Variants in SON observed in about 807,000 individuals in gnomAD.
The protein encoded by SON is SON DNA and RNA binding protein.
SON carries 4 observed loss-of-function variants against 173.3 expected under a neutral mutation model. The observed-to-expected ratio is 0.02, with a 90% CI of 0.01 to 0.05. The LOEUF is 0.05. SON is among the 10% of genes least tolerant of loss of function. The pLI, the probability that SON is intolerant of heterozygous loss-of-function variation, is 1.00. For missense variants in SON, 2,626 were observed against 3,055.3 expected (o/e 0.86, Z 3.31); for synonymous variants, 1,190 against 1,105.9 (o/e 1.08, Z -1.51).
In SON at chr21:33,553,791, A is replaced by G; in HGVS notation, c.4560A>G (p.Lys1520=). The change falls in exon 3 of 12, where the codon AAA becomes AAG. Residue 1520 remains lysine (K), a synonymous_variant. Coordinates refer to ENST00000356577, the MANE Select transcript of SON (RefSeq NM_138927.4). ...GEEPHAEEHL[K]GDFYESEHGI... ...AACCACATGCTGAGGAACACCTGAA[A>G]GGTGACTTTTACGAAAGTGAACATG... 4 of 1,614,096 alleles carry G rather than the reference A, an allele frequency of 2.5e-6. No homozygotes were observed. Among genetic ancestry groups the G allele is most frequent in the Non-Finnish European group, 3.4e-6 (4 of 1,179,982 alleles).
intron 6 of SON, among the ~76,000 whole-genome samples, chr21:33,561,509 T>C (rs143540427): frequency 1.1e-4 from 17 of 152,294 alleles, no homozygotes; most frequent in Non-Finnish European, 2.2e-4. Flanking sequence ...TTAACAAATA[T>C]TGCAGAATTC....
In SON at chr21:33,551,269, G is replaced by A. The variant is rs972793432; in HGVS notation, c.2038G>A (p.Ala680Thr). ...GTCCCTGGAGGTGCCCTCGACGACA[G>A]CGCTGGAATCCTATAATACGGTAGC... Reference protein sequence around the residue: ...SQSLEVPSTTALESYNTVAQE... With the variant: ...SQSLEVPSTTTLESYNTVAQE... The change falls in exon 3 of 12, where the codon GCG becomes ACG. Residue 680 changes from alanine (A) to threonine (T), a missense_variant. Physicochemically the swap from Ala to Thr is moderately conservative, Grantham distance 58. This residue lies in a region of SON where 182 missense variants were observed against 193.6 expected (regional missense o/e 0.94). Transcript: ENST00000356577. 6.2e-7 allele frequency: 1 copy of A among 1,614,162 alleles called. No homozygotes were observed. Among genetic ancestry groups the A allele is most frequent in the Non-Finnish European group, 8.5e-7 (1 of 1,180,006 alleles).
At position 33,554,330 on chromosome 21, in the gene SON, A is replaced by T. The variant is rs1428645559; in HGVS notation, c.5099A>T (p.Glu1700Val). 6.2e-7 allele frequency: 1 copy of T among 1,614,204 alleles called. No individual in the cohort carries two copies. The highest frequency in any genetic ancestry group is 1.1e-5 in the South Asian group (1 of 91,090). The change falls in exon 3 of 12, where the codon GAA becomes GTA. Residue 1700 changes from glutamate to valine, a missense_variant. Physicochemically the swap from Glu to Val is moderately radical, Grantham distance 121. This residue lies in a region of SON where 1,006 missense variants were observed against 895.6 expected (regional missense o/e 1.12). Coordinates refer to ENST00000356577, the MANE Select transcript of SON (RefSeq NM_138927.4). Reference sequence around the variant, plus strand: ...TTAGCAGCTCTGCTCAGCCCTAAAGAAAGTAGTGGAGGAGAAAAAGAAGTA... The same window carrying T: ...TTAGCAGCTCTGCTCAGCCCTAAAGTAAGTAGTGGAGGAGAAAAAGAAGTA... ...QTLAALLSPKESSGGEKEVPP... is the reference protein window; with the variant it reads ...QTLAALLSPKVSSGGEKEVPP...
At chr21:33,568,498 A>G (rs1406231196) in intron 7 of SON, among the ~76,000 whole-genome samples, 3 of 152,094 alleles carry the variant, frequency 2.0e-5, no homozygotes, top group Non-Finnish European at 4.4e-5. Flanking sequence ...CTCCATCTCA[A>G]AAAAAAATAG....
chr21:33,545,644 A>G (rs1198412026), intron 1 of SON, among the ~76,000 whole-genome samples: 2 of 152,238 alleles, frequency 1.3e-5, no homozygotes, highest in Non-Finnish European at 2.9e-5. Flanking sequence ...AGTTCTTGAT[A>G]ATTGTGTAAA....
chr21:33,544,841 T>C (rs377759707), intron 1 of SON, among the ~76,000 whole-genome samples: 23 of 152,218 alleles, frequency 1.5e-4, no homozygotes, highest in African/African-American at 5.1e-4. Context: ...GTCATAATTA[T>C]GTATAAATGC....
chr21:33,552,972 T>C lies in SON; in HGVS notation c.3741T>C (p.Thr1247=). The C allele has an allele frequency of 6.2e-6, 10 of 1,614,184 alleles. No individual in the cohort carries two copies. Among genetic ancestry groups the C allele is most frequent in the Non-Finnish European group, 7.6e-6 (9 of 1,180,000 alleles). Reference sequence around the variant, plus strand: ...TTTTAGTATCAGAGGCTGCTGTGACTGTTCCAGAACCACCACCAGAGCCAG... The same window carrying C: ...TTTTAGTATCAGAGGCTGCTGTGACCGTTCCAGAACCACCACCAGAGCCAG... The part of the protein sequence containing the change: ...PSVLVSEAAV[T]VPEPPPEPES... The change falls in exon 3 of 12, where the codon ACT becomes ACC. Residue 1247 remains threonine, a synonymous_variant. Coordinates refer to ENST00000356577, the MANE Select transcript of SON (RefSeq NM_138927.4). This position sits in a 1 kb window ranked among gnomAD's most constrained non-coding sequence, Gnocchi z 5.6.
chr21:33,552,838 C>T lies in SON; in HGVS notation c.3607C>T (p.Pro1203Ser). 1 of 1,613,910 alleles carries T rather than the reference C, an allele frequency of 6.2e-7. No homozygotes were observed. The highest frequency in any genetic ancestry group is 8.5e-7 in the Non-Finnish European group (1 of 1,179,858). Residue 1203 changes from proline (P) to serine (S), a missense_variant, in exon 3 of 12, where the codon CCA becomes TCA. Transcript: ENST00000356577. The surrounding 1 kb of genome is among the most constrained non-coding windows in gnomAD (Gnocchi z 5.6). The stretch of plus-strand genomic sequence containing the variant: ...TTGGCCTACAGAGGTGCCATCATCA[C>T]CATCTGAAGAGTCTGTATCGCAGCC... ...NTWPTEVPSS[P>S]SEESVSQPEP...
At chr21:33,547,770 A>G (rs966457082) in intron 2 of SON, among the ~76,000 whole-genome samples, 1 of 123,762 alleles carries the variant, frequency 8.1e-6, no homozygotes, top group South Asian at 2.6e-4. Context: ...GCTGGAGTGC[A>G]GTGGGGTGAT....
At chr21:33,556,430 C>T (rs914617754) in intron 3 of SON, among the ~76,000 whole-genome samples, 4 of 151,412 alleles carry the variant, frequency 2.6e-5, no homozygotes, top group East Asian at 3.9e-4. Context: ...GGTGGCACTT[C>T]GGCTGGGCAT....
At chr21:33,544,422 GT>G (rs2085559279) in intron 1 of SON, among the ~76,000 whole-genome samples, 1 of 152,168 alleles carries the variant, frequency 6.6e-6, no homozygotes, top group Non-Finnish European at 1.5e-5. Context: ...AACGAGGTGT[GT>G]TTTTGTAGCT....
chr21:33,557,873 C>T lies in SON; in HGVS notation c.6321+557C>T, dbSNP rs117282084. 1,682 of 374,736 alleles carry T rather than the reference C, an allele frequency of 4.5e-3. 7 individuals carry two copies. The highest frequency in any genetic ancestry group is 6.1e-3 in the Admixed American group (138 of 22,648). The allele number at this position is 374,736 out of a possible 1,614,324, so 23.2% of individuals were successfully genotyped here. A position where few individuals can be genotyped will look rare whatever the true frequency, so the allele number is the denominator to read the frequency against. ...GTTCTTCCTGCGGTTCGGGTTTTGG[C>T]AGTAACATATATATTTTAAACACAC... On this transcript the variant is annotated intron_variant, in intron 4 of 11. Coordinates refer to ENST00000356577, the MANE Select transcript of SON (RefSeq NM_138927.4).
intron 6 of SON, among the ~76,000 whole-genome samples, chr21:33,563,176 C>G (rs142106809): frequency 5.9e-5 from 9 of 152,094 alleles, no homozygotes; most frequent in Non-Finnish European, 1.3e-4. Context: ...TCTTTCCTTC[C>G]TAGATTCTCT....
At chr21:33,565,886 T>A (rs556633842) in intron 6 of SON, among the ~76,000 whole-genome samples, 1 of 152,324 alleles carries the variant, frequency 6.6e-6, no homozygotes, top group East Asian at 1.9e-4. Flanking sequence ...AATATTAGTT[T>A]ATTAGCAAGG....
Position 33,553,604 on chromosome 21 carries a change from C to A in SON, c.4373C>A (p.Thr1458Asn). 1 of 1,614,030 alleles carries A rather than the reference C, an allele frequency of 6.2e-7. No individual in the cohort carries two copies. Among genetic ancestry groups the A allele is most frequent in the African/African-American group, 1.3e-5 (1 of 74,980 alleles). ...SEPAVTVSEQ[T>N]QVIPTEVAIE... The stretch of plus-strand genomic sequence containing the variant: ...CCTGCTGTCACAGTCTCAGAGCAGA[C>A]TCAAGTAATACCAACTGAGGTGGCT... The change falls in exon 3 of 12, where the codon ACT becomes AAT. Residue 1458 changes from threonine (T) to asparagine (N), a missense_variant. Around this residue, in one of 13 missense-constraint regions of SON, gnomAD observed 1,006 missense variants for 895.6 expected, o/e 1.12. Coordinates refer to ENST00000356577, the MANE Select transcript of SON (RefSeq NM_138927.4).
At position 33,549,603 on chromosome 21, in the gene SON, A is replaced by C; in HGVS notation, c.372A>C (p.Glu124Asp). The stretch of plus-strand genomic sequence containing the variant: ...ACAAAAAGAAGAAAAAGAAGAAAGA[A>C]AAGGAAAAAAAATATAAAAGACAGC... Reference protein sequence around the residue: ...HKNKKKKKKKEKEKKYKRQPE... With the variant: ...HKNKKKKKKKDKEKKYKRQPE... Residue 124 changes from glutamate to aspartate, a missense_variant, in exon 3 of 12, where the codon GAA becomes GAC. Physicochemically the swap from Glu to Asp is conservative, Grantham distance 45. This residue lies in a region of SON where 757 missense variants were observed against 730.1 expected (regional missense o/e 1.04). Coordinates refer to ENST00000356577, the MANE Select transcript of SON (RefSeq NM_138927.4). 6.3e-7 allele frequency: 1 copy of C among 1,594,506 alleles called. No individual in the cohort carries two copies. Among genetic ancestry groups the C allele is most frequent in the East Asian group, 2.2e-5 (1 of 44,808 alleles).
At chr21:33,557,355 T>G in intron 4 of SON, 39 bp downstream of exon 4, 1 of 1,607,590 alleles carries the variant, frequency 6.2e-7, no homozygotes, top group Non-Finnish European at 8.5e-7. Context: ...TTAAATGGAT[T>G]ATTCCAGTGA....
intron 3 of SON, among the ~76,000 whole-genome samples, chr21:33,556,328 A>G (rs565967350): frequency 2.6e-5 from 4 of 152,220 alleles, no homozygotes; most frequent in Non-Finnish European, 4.4e-5. Flanking sequence ...TGTGATTACT[A>G]TAATACTGAT....
intron 9 of SON, among the ~76,000 whole-genome samples, chr21:33,574,963 A>C (rs528263254): frequency 5.3e-5 from 8 of 152,184 alleles, no homozygotes; most frequent in Non-Finnish European, 1.0e-4. Context: ...TTAAAATCCT[A>C]ACCTTTTTTG....
Sources: allele counts gnomAD v4.1 joint callset (sites outside exome capture counted in the v4.1 genomes callset), GRCh38; gene constraint gnomAD v4.1.1; regional missense constraint gnomAD v4.1.1; non-coding constraint Gnocchi (gnomAD v3.1); transcripts MANE v1.5; gene names NCBI Gene and HGNC (gene_info 2026-07-23, HGNC 2026-07-21).